The following MAST3 variants were observed in gnomAD, a reference collection of about 807,000 sequenced individuals.
MAST3 encodes the protein microtubule associated serine/threonine kinase 3.
In MAST3, 43 loss-of-function variants were observed where a neutral mutation model predicts 127.0. The ratio of observed to expected loss-of-function variants is 0.34; its 90% CI spans 0.27 to 0.44. The LOEUF (loss-of-function observed/expected upper bound fraction) is 0.44. Ranked by LOEUF, MAST3 falls within the 20% of genes least tolerant of loss-of-function variation. The probability of loss-of-function intolerance (pLI) is 1.00; values close to 1 mark genes in which losing one functional copy is unlikely to be tolerated. For synonymous variants in MAST3, 785 were observed against 809.2 expected, an observed-to-expected ratio of 0.97 and a Z score of 0.51; for missense variants, 1,390 against 1,919.1, an observed-to-expected ratio of 0.72 and a Z score of 5.15.
At chr19:18,116,252 C>G (rs1474987873) in intron 3 of MAST3, among the ~76,000 whole-genome samples, 1 of 151,466 alleles carries the variant, frequency 6.6e-6, no homozygotes, top group East Asian at 1.9e-4. Flanking sequence ...CACCACCATG[C>G]CCAGCTATTT....
chr19:18,116,837 C>T (rs2039324183), intron 3 of MAST3, among the ~76,000 whole-genome samples: 2 of 146,510 alleles, frequency 1.4e-5, no homozygotes, highest in African/African-American at 2.5e-5. Context: ...CGTTTGAACC[C>T]AGGAGGCGGA....
rs1568570957 is a variant in MAST3, at chr19:18,124,124, G to A, written c.819G>A (p.Glu273=). 1.2e-6 allele frequency: 2 copies of A among 1,611,586 alleles called. No homozygotes were observed. The highest frequency in any genetic ancestry group is 1.7e-6 in the Non-Finnish European group (2 of 1,179,000). The change falls in exon 9 of 28, where the codon GAG becomes GAA. Residue 273 remains glutamate (E), a synonymous_variant. Transcript: ENST00000687212. ...CCCGCTACTTCCTAGAGATGCAGGA[G>A]AAGCTGGAGCGGCTTCTGCAGGATG... ...VTSRYFLEMQ[E]KLERLLQDAH... is the part of the protein sequence containing the mutation.
chr19:18,133,906 G>A (rs1336705012), intron 15 of MAST3, among the ~76,000 whole-genome samples: 1 of 152,058 alleles, frequency 6.6e-6, no homozygotes, highest in Non-Finnish European at 1.5e-5. Flanking sequence ...CTGCTGTTTA[G>A]GTTTTCCTAT....
chr19:18,107,559 A>T, intron 1 of MAST3, 28 bp from the exon 2 acceptor site: 1 of 1,613,176 alleles, frequency 6.2e-7, no homozygotes, highest in Non-Finnish European at 8.5e-7. Flanking sequence ...TCTCTCTGAG[A>T]ATGATCCCCA....
rs1258015121 is a variant in MAST3 at position 18,129,138 on chromosome 19, G to T, written c.1223+187G>T. ...CGCCATAGCGAGGTTACAGCCTCATGTGTGCTCTGTCCACGAGCCAGGCCT... is the reference window on the plus strand; with the variant it reads ...CGCCATAGCGAGGTTACAGCCTCATTTGTGCTCTGTCCACGAGCCAGGCCT... On this transcript the variant is annotated intron_variant, in intron 13 of 27. Transcript: ENST00000687212. 9 of 613,418 alleles carry T rather than the reference G, an allele frequency of 1.5e-5. No individual in the cohort carries two copies. In the African/African-American group the frequency reaches 1.5e-4, roughly 10 times the overall value. 38.0% of individuals were successfully genotyped at this position (613,418 alleles called of 1,614,324 possible).
rs2040308967 is a variant in MAST3, at chr19:18,124,088, C to A, written c.783C>A (p.Asn261Lys). 2.5e-6 allele frequency: 4 copies of A among 1,611,162 alleles called. No individual in the cohort carries two copies. In the African/African-American group the frequency reaches 5.3e-5, roughly 22 times the overall value. ...ACTGCTTGGCCAAGTCTGGCGAGAA[C>A]CTCGTCACCTCCCGCTACTTCCTAG... ...ARDCLAKSGE[N>K]LVTSRYFLEM... is the part of the protein sequence containing the mutation. The change falls in exon 9 of 28, where the codon AAC becomes AAA. Residue 261 changes from asparagine to lysine, a missense_variant. Around this residue, in one of 5 missense-constraint regions of MAST3, gnomAD observed 277 missense variants for 384.8 expected, o/e 0.72. Coordinates refer to ENST00000687212, the MANE Select transcript of MAST3 (RefSeq NM_001393504.1).
chr19:18,100,218 G>A (rs2037477014), intron 1 of MAST3, among the ~76,000 whole-genome samples: 1 of 150,516 alleles, frequency 6.6e-6, no homozygotes, highest in Admixed American at 6.7e-5. Context: ...TCCACCTCCC[G>A]GGTTCAAGTA....
At chr19:18,125,520 A>G (rs1310588894) in intron 11 of MAST3, among the ~76,000 whole-genome samples, 4 of 149,288 alleles carry the variant, frequency 2.7e-5, no homozygotes, top group African/African-American at 5.0e-5. Flanking sequence ...AGGTGGGTGG[A>G]TCACAAGGTC....
rs1335926224 is a variant in MAST3 at position 18,110,139 on chromosome 19, A to C, written c.72-513A>C. ...GTGCGGAGCTGCGATCCCCGCCCCGAGGCGGAGCCAGCCCGGCCCCCAGCG... is the reference window on the plus strand; with the variant it reads ...GTGCGGAGCTGCGATCCCCGCCCCGCGGCGGAGCCAGCCCGGCCCCCAGCG... On this transcript the variant is annotated intron_variant, in intron 2 of 27. Coordinates refer to ENST00000687212, the MANE Select transcript of MAST3 (RefSeq NM_001393504.1). This position sits in a 1 kb window ranked among gnomAD's most constrained non-coding sequence, Gnocchi z 4.3. The C allele has an allele frequency of 1.0e-6, 1 of 985,152 alleles. No individual in the cohort carries two copies. Among genetic ancestry groups the C allele is most frequent in the Non-Finnish European group, 1.2e-6 (1 of 829,894 alleles). The allele number at this position is 985,152 out of a possible 1,614,324, so 61.0% of individuals were successfully genotyped here.
Position 18,149,005 on chromosome 19 carries a change from A to T in MAST3, c.3509-186A>T, listed in dbSNP as rs2043319445. On this transcript the variant is annotated intron_variant, in intron 27 of 27. Coordinates refer to ENST00000687212, the MANE Select transcript of MAST3 (RefSeq NM_001393504.1). This position sits in a 1 kb window ranked among gnomAD's most constrained non-coding sequence, Gnocchi z 5.9. ...TTCAGCCCAGGAGGTTGAGGCTATGATTGAGCCAGTGCACTACAGTCTGGG... is the reference window on the plus strand; with the variant it reads ...TTCAGCCCAGGAGGTTGAGGCTATGTTTGAGCCAGTGCACTACAGTCTGGG... 6.6e-6 allele frequency among the ~76,000 whole-genome samples: 1 copy of T among 152,054 alleles called. No individual in the cohort carries two copies. Among genetic ancestry groups the T allele is most frequent in the African/African-American group, 2.4e-5 (1 of 41,382 alleles).
chr19:18,123,138 C>A, intron 6 of MAST3, 79 bp from the exon 7 acceptor site: 1 of 1,491,748 alleles, frequency 6.7e-7, no homozygotes, highest in South Asian at 1.1e-5. Flanking sequence ...GCAGCCTGGG[C>A]CTTGAGGGGT....
intron 13 of MAST3, chr19:18,129,160 G>A (rs2040987702): frequency 1.7e-6 from 1 of 583,646 alleles, no homozygotes; most frequent in African/African-American, 1.9e-5. Flanking sequence ...CACGAGCCAG[G>A]CCTTTACCTG....
Position 18,145,682 on chromosome 19 carries a change from G to T in MAST3, c.3040-61G>T. 1 of 1,495,638 alleles carries T rather than the reference G, an allele frequency of 6.7e-7. No homozygotes were observed. The highest frequency in any genetic ancestry group is 1.4e-5 in the South Asian group (1 of 73,210). 92.6% of individuals were successfully genotyped at this position (1,495,638 alleles called of 1,614,324 possible). ...GGGGTCCCACAGCAGACCCAGCCTG[G>T]GCTGGGGTCCCCAGATGTGGGGCCC... is the stretch of plus-strand genomic sequence containing the variant. On this transcript the variant is annotated intron_variant, in intron 24 of 27. Coordinates refer to ENST00000687212, the MANE Select transcript of MAST3 (RefSeq NM_001393504.1). This position sits in a 1 kb window ranked among gnomAD's most constrained non-coding sequence, Gnocchi z 5.9.
At position 18,110,756 on chromosome 19, in the gene MAST3, G is replaced by A. The variant is rs1024252094; in HGVS notation, c.161+15G>A. ...CACCCCTGGAGGTAAGTGACAGCGCGTGTGGGCGGGGCGCAGACATCGCCC... is the reference window on the plus strand; with the variant it reads ...CACCCCTGGAGGTAAGTGACAGCGCATGTGGGCGGGGCGCAGACATCGCCC... On this transcript the variant is annotated intron_variant, in intron 3 of 27. Transcript: ENST00000687212. The surrounding 1 kb of genome is among the most constrained non-coding windows in gnomAD (Gnocchi z 4.3). 1.0e-6 allele frequency: 1 copy of A among 981,882 alleles called. No homozygotes were observed. Among genetic ancestry groups the A allele is most frequent in the Non-Finnish European group, 1.2e-6 (1 of 826,308 alleles). The allele number at this position is 981,882 out of a possible 1,614,324, so 60.8% of individuals were successfully genotyped here.
At chr19:18,128,750 T>C in intron 12 of MAST3, 116 bp from the exon 13 acceptor site, 1 of 804,048 alleles carries the variant, frequency 1.2e-6, no homozygotes, top group Non-Finnish European at 2.1e-6. Context: ...TTGGAGAAGT[T>C]TGGACAGGGG....
At position 18,110,819 on chromosome 19, in the gene MAST3, G is replaced by A; in HGVS notation, c.161+78G>A. ...GCCTTGGAAACCCTCCAGACTCATC[G>A]GTCTCCTCAAGATACTGCAGGTTGG... On this transcript the variant is annotated intron_variant, in intron 3 of 27. Coordinates refer to ENST00000687212, the MANE Select transcript of MAST3 (RefSeq NM_001393504.1). This position sits in a 1 kb window ranked among gnomAD's most constrained non-coding sequence, Gnocchi z 4.3. The A allele has an allele frequency of 1.4e-6, 1 of 730,382 alleles. No individual in the cohort carries two copies. The highest frequency in any genetic ancestry group is 1.7e-6 in the Non-Finnish European group (1 of 596,940). 45.2% of individuals were successfully genotyped at this position (730,382 alleles called of 1,614,324 possible). A position where few individuals can be genotyped will look rare whatever the true frequency, so the allele number is the denominator to read the frequency against.
intron 1 of MAST3, among the ~76,000 whole-genome samples, chr19:18,105,080 G>A (rs1268537311): frequency 6.6e-6 from 1 of 152,096 alleles, no homozygotes; most frequent in African/African-American, 2.4e-5. Flanking sequence ...ATAAACCCTC[G>A]TGATTGACCG....
chr19:18,130,742 G>A, intron 14 of MAST3, 40 bp downstream of exon 14: 8 of 1,591,904 alleles, frequency 5.0e-6, no homozygotes, highest in Non-Finnish European at 6.9e-6. Flanking sequence ...GCGATGGGGA[G>A]CTCACCCCTC....
In MAST3 at chr19:18,145,361, G is replaced by A. The variant is rs981359645; in HGVS notation, c.3039+132G>A. On this transcript the variant is annotated intron_variant, in intron 24 of 27. Transcript: ENST00000687212. This position sits in a 1 kb window ranked among gnomAD's most constrained non-coding sequence, Gnocchi z 5.9. The stretch of plus-strand genomic sequence containing the variant: ...GAGCTGGTGCCACCGAGTTCATCTC[G>A]GTCCCTGTCATTTGGCAGGGAGGAG... 8.5e-6 allele frequency: 7 copies of A among 827,220 alleles called. No individual in the cohort carries two copies. The highest frequency in any genetic ancestry group is 1.5e-5 in the South Asian group (1 of 65,038). 51.2% of individuals were successfully genotyped at this position (827,220 alleles called of 1,614,324 possible). A position where few individuals can be genotyped will look rare whatever the true frequency, so the allele number is the denominator to read the frequency against.
Sources: gnomAD v4.1 joint callset for allele counts (sites outside exome capture counted in the v4.1 genomes callset) on GRCh38, gnomAD v4.1.1 for gene constraint, gnomAD v4.1.1 regional missense constraint, Gnocchi (gnomAD v3.1) non-coding constraint, MANE v1.5 for transcripts, NCBI Gene and HGNC (gene_info 2026-07-23, HGNC 2026-07-21) for gene names.